The following HNRNPH1 variants were observed in gnomAD, a reference collection of about 807,000 sequenced individuals.
The protein encoded by HNRNPH1 is heterogeneous nuclear ribonucleoprotein H1.
Under a neutral mutation model 58.6 loss-of-function variants are expected in HNRNPH1, and 4 were observed. The observed-to-expected ratio is 0.07, with a 90% CI of 0.03 to 0.16. The LOEUF (loss-of-function observed/expected upper bound fraction) is 0.16. Ranked by LOEUF, HNRNPH1 falls within the 10% of genes least tolerant of loss-of-function variation. The pLI is 1.00. For missense variants in HNRNPH1, 271 were observed against 564.2 expected (o/e 0.48, Z 5.26); for synonymous variants, 192 against 189.2 (o/e 1.01, Z -0.12).
At chr5:179,622,548 T>G (rs1772988153) in intron 1 of HNRNPH1, among the ~76,000 whole-genome samples, 1 of 152,120 alleles carries the variant, frequency 6.6e-6, no homozygotes, top group Admixed American at 6.5e-5. Flanking sequence ...CCGTCTCTAC[T>G]AAAAATACAA....
intron 2 of HNRNPH1, chr5:179,633,956 A>ATAAAAT (rs1476977265): frequency 6.6e-6 from 1 of 152,284 alleles, no homozygotes; most frequent in Non-Finnish European, 1.5e-5. Context: ...ATAAAATAAC[A>ATAAAAT]AAGTAAGCAG....
chr5:179,621,958 T>C, intron 1 of HNRNPH1: 1 of 456,320 alleles, frequency 2.2e-6, no homozygotes, highest in Non-Finnish European at 4.4e-6. Flanking sequence ...GTTTTACAGG[T>C]CGCTTTCCGT....
intron 12 of HNRNPH1, chr5:179,615,325 C>T (rs905601187): frequency 4.2e-6 from 2 of 472,996 alleles, no homozygotes; most frequent in Admixed American, 7.4e-5. Flanking sequence ...ATGTGTCCCT[C>T]GAATGGCATT....
chr5:179,617,745 G>C, intron 7 of HNRNPH1, 54 bp downstream of exon 8: 1 of 1,608,724 alleles, frequency 6.2e-7, no homozygotes, highest in Non-Finnish European at 8.5e-7. Flanking sequence ...TATAGAATAA[G>C]GCTGACTTAC....
chr5:179,614,848 C>T, exon 13 of HNRNPH1: 1 of 1,480,402 alleles, frequency 6.8e-7, no homozygotes, highest in Non-Finnish European at 9.2e-7. Context: ...CAATTACATT[C>T]CCCATCCACC....
At chr5:179,618,520 TAG>T in intron 4 of HNRNPH1, 197 bp from the exon 6 acceptor site, 1 of 392,536 alleles carries the variant, frequency 2.5e-6, no homozygotes, top group Non-Finnish European at 4.5e-6. Context: ...GTAAACTTTA[TAG>T]AAAAAAAAAA....
intron 8 of HNRNPH1, 169 bp downstream of exon 9, chr5:179,617,345 A>G (rs557947423): frequency 2.5e-6 from 2 of 801,250 alleles, no homozygotes; most frequent in Admixed American, 2.7e-5. Context: ...AATCCGTTAT[A>G]CTAATTTTTA....
chr5:179,618,506 C>A (rs1770843375), intron 4 of HNRNPH1, 183 bp from the exon 6 acceptor site: 44 of 400,626 alleles, frequency 1.1e-4, no homozygotes, highest in South Asian at 1.7e-4. Context: ...AATAGTAAGA[C>A]AATGTAAACT....
At chr5:179,624,384 C>T in exon 1 of HNRNPH1, 1 of 396,794 alleles carries the variant, frequency 2.5e-6, no homozygotes, top group Non-Finnish European at 4.4e-6. Flanking sequence ...CGCCTGTACC[C>T]AGCTTTTGCC....
At chr5:179,616,985 G>C in intron 9 of HNRNPH1, 27 bp from the exon 11 acceptor site, 1 of 1,308,082 alleles carries the variant, frequency 7.6e-7, no homozygotes, top group Non-Finnish European at 1.1e-6. Flanking sequence ...GGCATACAAG[G>C]TTAGCTTAAA....
intron 10 of HNRNPH1, 139 bp from the exon 12 acceptor site, chr5:179,616,357 G>C: frequency 5.7e-6 from 4 of 707,344 alleles, no homozygotes; most frequent in East Asian, 2.7e-5. Flanking sequence ...TCTGCCTACT[G>C]TCTATAACCA....
At position 179,620,780 on chromosome 5, in the gene HNRNPH1, G is replaced by A. The variant is rs114883699; in HGVS notation, c.397+112C>T. 4.7e-3 allele frequency: 3,978 copies of A among 851,718 alleles called. 13 individuals are homozygous for A. The highest frequency in any genetic ancestry group is 0.014 in the Middle Eastern group (37 of 2,730). The allele number at this position is 851,718 out of a possible 1,614,324, so 52.8% of individuals were successfully genotyped here. Reference sequence around the variant, plus strand: ...TCTAGGAAGAAAACATTAATTCATTGGCAATTTACAACCTACTGAAATACC... The same window carrying A: ...TCTAGGAAGAAAACATTAATTCATTAGCAATTTACAACCTACTGAAATACC... On this transcript the variant is annotated intron_variant, in intron 3 of 12. Coordinates refer to ENST00000356731, the Ensembl canonical transcript of HNRNPH1.
intron 2 of HNRNPH1, among the ~76,000 whole-genome samples, chr5:179,632,308 AAAAAAAAAAAAAAG>A (rs1328904203): frequency 2.0e-5 from 1 of 48,786 alleles, no homozygotes; most frequent in Non-Finnish European, 5.0e-5. Context: ...ACTCCGTCTC[AAAAAAAAAAAAAAG>A]AAAAAAGAAA....
At chr5:179,615,031 G>T (rs574399021) in intron 12 of HNRNPH1, 72 bp from the exon 14 acceptor site, 2 of 973,194 alleles carry the variant, frequency 2.1e-6, no homozygotes, top group African/African-American at 1.6e-5. Flanking sequence ...AGTATTCCAA[G>T]AAAAAGTTTA....
At chr5:179,632,571 C>A (rs28571858) in intron 2 of HNRNPH1, among the ~76,000 whole-genome samples, 2 of 151,996 alleles carry the variant, frequency 1.3e-5, no homozygotes, top group African/African-American at 4.8e-5. Flanking sequence ...AGTGTCCAGC[C>A]GTCCGCTGAG....
At chr5:179,616,333 A>G in intron 10 of HNRNPH1, 115 bp from the exon 12 acceptor site, 1 of 837,458 alleles carries the variant, frequency 1.2e-6, no homozygotes, top group South Asian at 1.4e-5. Context: ...CATTACTGTA[A>G]CCCTCTGCCT....
chr5:179,615,294 A>C (rs944938264), intron 12 of HNRNPH1: 15 of 452,114 alleles, frequency 3.3e-5, no homozygotes, highest in South Asian at 4.7e-5. Context: ...TTTTAAAAAA[A>C]ATTTAACATA....
chr5:179,632,072 CGAGG>C (rs1562373245), intron 2 of HNRNPH1, among the ~76,000 whole-genome samples: 65 of 130,740 alleles, frequency 5.0e-4, no homozygotes, highest in African/African-American at 1.5e-3. Flanking sequence ...TTTGGGAGGC[CGAGG>C]CGGGCGGATC....
intron 1 of HNRNPH1, among the ~76,000 whole-genome samples, chr5:179,622,626 G>T (rs982388522): frequency 1.3e-5 from 2 of 152,180 alleles, no homozygotes; most frequent in African/African-American, 4.8e-5. Flanking sequence ...CAGGAGAATC[G>T]CTTGAACCCA....
Sources: gnomAD v4.1 joint callset for allele counts (sites outside exome capture counted in the v4.1 genomes callset) on GRCh38, gnomAD v4.1.1 for gene constraint, MANE v1.5 for transcripts, NCBI Gene and HGNC (gene_info 2026-07-23, HGNC 2026-07-21) for gene names.